FAF2: variants seen among roughly 807,000 people sequenced by gnomAD.
FAF2 encodes the protein FAS-associated factor 2.
FAF2 carries 9 observed loss-of-function variants against 62.3 expected under a neutral mutation model. That is an observed-to-expected ratio of 0.14 (90% CI 0.09 to 0.25). The LOEUF is 0.25. Among genes scored for constraint, FAF2 ranks in the 10% least tolerant of loss-of-function variants. FAF2 has a pLI of 1.00. For missense variants in FAF2, 368 were observed against 556.2 expected (o/e 0.66, Z 3.40); for synonymous variants, 202 against 198.0 (o/e 1.02, Z -0.17).
chr5:176,472,184 A>G (rs1758582479), intron 1 of FAF2, among the ~76,000 whole-genome samples: 2 of 151,698 alleles, frequency 1.3e-5, no homozygotes, highest in African/African-American at 4.8e-5. Flanking sequence ...AGGCTAGAGC[A>G]CAGTGGTGCT....
At chr5:176,497,500 C>T (rs1038606067) in intron 8 of FAF2, among the ~76,000 whole-genome samples, 10 of 152,244 alleles carry the variant, frequency 6.6e-5, no homozygotes, top group African/African-American at 1.7e-4. Flanking sequence ...GAATATATCA[C>T]GGCCTTTTCC....
chr5:176,459,246 T>TA (rs1758332238), intron 1 of FAF2, among the ~76,000 whole-genome samples: 1 of 143,066 alleles, frequency 7.0e-6, no homozygotes, highest in African/African-American at 2.7e-5. Flanking sequence ...AAATTCCAGT[T>TA]AACCTTTTTT....
chr5:176,488,942 G>A lies in FAF2; in HGVS notation c.268-9G>A, dbSNP rs1033819743. On this transcript the variant is annotated splice_polypyrimidine_tract_variant and intron_variant, in intron 3 of 10. Coordinates refer to ENST00000261942, the MANE Select transcript of FAF2 (RefSeq NM_014613.3). ...AGAATTGTCTCTAACTTTGTTTTTG[G>A]ACTTTCAGGGGCTGCTTGGATGGGG... is the stretch of plus-strand genomic sequence containing the variant. The A allele has an allele frequency of 5.2e-5, 84 of 1,612,422 alleles. No individual in the cohort carries two copies. Among genetic ancestry groups the A allele is most frequent in the Admixed American group, 1.8e-4 (11 of 59,762 alleles).
rs542682849 is a variant in FAF2, at chr5:176,448,923, G to A, written c.63+453G>A. 7.2e-5 allele frequency among the ~76,000 whole-genome samples: 11 copies of A among 152,282 alleles called. No individual in the cohort carries two copies. In the South Asian group the frequency reaches 2.3e-3, roughly 32 times the overall value. On this transcript the variant is annotated intron_variant, in intron 1 of 10. Coordinates refer to ENST00000261942, the MANE Select transcript of FAF2 (RefSeq NM_014613.3). Reference sequence around the variant, plus strand: ...ACACTCCCACAAACTGGGGCCTCTTGGATACCAGGTTTCGTGTTGGGGGTT... The same window carrying A: ...ACACTCCCACAAACTGGGGCCTCTTAGATACCAGGTTTCGTGTTGGGGGTT...
intron 1 of FAF2, among the ~76,000 whole-genome samples, chr5:176,455,333 C>T (rs1266794624): frequency 1.3e-5 from 2 of 151,990 alleles, no homozygotes; most frequent in Non-Finnish European, 2.9e-5. Context: ...CCTGTGATCC[C>T]AGCTACTTGG....
Position 176,451,831 on chromosome 5 carries a change from T to TATATATATATACACATATATATACAC in FAF2, c.63+3376_63+3377insTATATATACACATATATATATACACA, listed in dbSNP as rs1758181635. Reference sequence around the variant, plus strand: ...ATATACACACATATATATATATACATATATATATATACACACATATATATA... The same window carrying TATATATATATACACATATATATACAC: ...ATATACACACATATATATATATACATATATATATATACACATATATATACACATATATATATACACACATATATATA... On this transcript the variant is annotated intron_variant, in intron 1 of 10. Transcript: ENST00000261942. Among the ~76,000 whole-genome samples, 2 of 26,000 alleles carry TATATATATATACACATATATATACAC rather than the reference T, an allele frequency of 7.7e-5. 1 individual carries two copies. The highest frequency in any genetic ancestry group is 1.4e-4 in the Non-Finnish European group (2 of 14,000). 17.1% of individuals were successfully genotyped at this position (26,000 alleles called of 152,430 possible). A position where few individuals can be genotyped will look rare whatever the true frequency, so the allele number is the denominator to read the frequency against.
rs149134380 is a variant in FAF2 at position 176,505,646 on chromosome 5, A to G, written c.1156-1122A>G. ...TCTTCCACACAAGTCCCCAAAGTCC[A>G]TTGTATCATTCTTTTGCCTTTGCGT... On this transcript the variant is annotated intron_variant, in intron 10 of 10. Coordinates refer to ENST00000261942, the MANE Select transcript of FAF2 (RefSeq NM_014613.3). 1.2e-3 allele frequency among the ~76,000 whole-genome samples: 176 copies of G among 152,220 alleles called. 2 individuals are homozygous for G. Among genetic ancestry groups the G allele is most frequent in the Admixed American group, 0.011 (167 of 15,290 alleles).
intron 10 of FAF2, among the ~76,000 whole-genome samples, chr5:176,504,577 C>A (rs1375813547): frequency 1.3e-5 from 2 of 151,350 alleles, no homozygotes; most frequent in Non-Finnish European, 2.9e-5. Flanking sequence ...GAGCAAGACT[C>A]CATCTCAAAA....
intron 1 of FAF2, among the ~76,000 whole-genome samples, chr5:176,461,965 T>C (rs555696477): frequency 1.3e-5 from 2 of 152,296 alleles, no homozygotes; most frequent in South Asian, 4.1e-4. Flanking sequence ...TTTTAAACTT[T>C]ACAGGGGTGT....
chr5:176,497,206 G>A (rs1436611468), intron 8 of FAF2, among the ~76,000 whole-genome samples: 2 of 152,080 alleles, frequency 1.3e-5, no homozygotes, highest in Admixed American at 6.5e-5. Context: ...AATGTATATT[G>A]TGGCATTTAG....
At chr5:176,504,248 G>T (rs1047387791) in intron 10 of FAF2, among the ~76,000 whole-genome samples, 5 of 152,098 alleles carry the variant, frequency 3.3e-5, no homozygotes, top group Admixed American at 3.3e-4. Flanking sequence ...GGCCGAGACG[G>T]GTGGGTCACC....
intron 1 of FAF2, among the ~76,000 whole-genome samples, chr5:176,452,130 T>C (rs1758199125): frequency 6.6e-6 from 1 of 151,422 alleles, no homozygotes; most frequent in South Asian, 2.1e-4. Context: ...CGATCTCGGC[T>C]CACTGCAGCC....
chr5:176,474,503 TTTGTCAAAGTCTGTGTTCCATCCG>T (rs1348507696), intron 1 of FAF2, among the ~76,000 whole-genome samples: 1 of 152,220 alleles, frequency 6.6e-6, no homozygotes, highest in African/African-American at 2.4e-5. Flanking sequence ...ATTAGATTCT[TTTGTCAAAGTCTGTGTTCCATCCG>T]GAGAGCCTCT....
chr5:176,497,604 A>AT (rs1048471306), intron 8 of FAF2, among the ~76,000 whole-genome samples: 8 of 152,104 alleles, frequency 5.3e-5, no homozygotes, highest in African/African-American at 1.9e-4. Flanking sequence ...CTCTCGTTGG[A>AT]TTTTTAGATT....
In FAF2 at chr5:176,507,159, G is replaced by A. The variant is rs929697592; in HGVS notation, c.*209G>A. On this transcript the variant is annotated 3_prime_UTR_variant, in exon 11 of 11. Transcript: ENST00000261942. Reference sequence around the variant, plus strand: ...TAAGAGTCACAACCTGTGTGTGCGCGCAAGGTTAGCAACAAACGTACCCGC... The same window carrying A: ...TAAGAGTCACAACCTGTGTGTGCGCACAAGGTTAGCAACAAACGTACCCGC... 5.5e-5 allele frequency: 19 copies of A among 347,402 alleles called. No homozygotes were observed. Among genetic ancestry groups the A allele is most frequent in the Admixed American group, 5.2e-4 (13 of 25,006 alleles). The allele number at this position is 347,402 out of a possible 1,614,324, so 21.5% of individuals were successfully genotyped here. A position where few individuals can be genotyped will look rare whatever the true frequency, so the allele number is the denominator to read the frequency against.
At chr5:176,458,121 G>A (rs898158426) in intron 1 of FAF2, among the ~76,000 whole-genome samples, 9 of 151,526 alleles carry the variant, frequency 5.9e-5, no homozygotes, top group African/African-American at 1.5e-4. Context: ...AGTATCTGTC[G>A]CCCAGGCTGG....
intron 1 of FAF2, among the ~76,000 whole-genome samples, chr5:176,460,673 C>T (rs1468847815): frequency 6.6e-5 from 10 of 151,958 alleles, no homozygotes; most frequent in African/African-American, 1.9e-4. Flanking sequence ...GTGTCTGAGG[C>T]GGGTGTGATG....
At chr5:176,492,898 C>T (rs1265140639) in intron 5 of FAF2, among the ~76,000 whole-genome samples, 1 of 152,258 alleles carries the variant, frequency 6.6e-6, no homozygotes, top group Non-Finnish European at 1.5e-5. Context: ...GCAAAGCCTA[C>T]ATCTTCTTTG....
At chr5:176,462,415 A>G (rs972254702) in intron 1 of FAF2, among the ~76,000 whole-genome samples, 1 of 151,788 alleles carries the variant, frequency 6.6e-6, no homozygotes, top group East Asian at 2.0e-4. Flanking sequence ...CATGAGGTCA[A>G]GAGATCGAGA....
Sources: allele counts gnomAD v4.1 joint callset (sites outside exome capture counted in the v4.1 genomes callset), GRCh38; gene constraint gnomAD v4.1.1; transcripts MANE v1.5; gene names NCBI Gene and HGNC (gene_info 2026-07-23, HGNC 2026-07-21).